XXYLT1: variants seen among roughly 807,000 people sequenced by gnomAD.
XXYLT1 encodes the protein xyloside xylosyltransferase 1, also known as UDP-xylose:alpha-xyloside alpha-1,3-xylosyltransferase.
In XXYLT1, 20 loss-of-function variants were observed where a neutral mutation model predicts 28.9. The ratio of observed to expected loss-of-function variants is 0.69; its 90% CI spans 0.49 to 1.00. The LOEUF is 1.00. Ranked by LOEUF, XXYLT1 falls within the 50% of genes least tolerant of loss-of-function variation. The probability of loss-of-function intolerance (pLI) is 0.00; values close to 1 mark genes in which losing one functional copy is unlikely to be tolerated. For missense variants in XXYLT1, 542 were observed against 560.1 expected, an observed-to-expected ratio of 0.97 and a Z score of 0.33; for synonymous variants, 257 against 253.8, an observed-to-expected ratio of 1.01 and a Z score of -0.12.
chr3:195,108,204 C>A (rs1717258649), intron 3 of XXYLT1, among the ~76,000 whole-genome samples: 1 of 152,234 alleles, frequency 6.6e-6, no homozygotes, highest in South Asian at 2.1e-4. Context: ...TCCATCCATT[C>A]TTGTTTTTCT....
intron 2 of XXYLT1, among the ~76,000 whole-genome samples, chr3:195,197,077 G>C (rs890140225): frequency 6.6e-5 from 10 of 152,160 alleles, no homozygotes; most frequent in African/African-American, 2.4e-4. Context: ...AGTTTTCATG[G>C]CTCAATTAGC....
At chr3:195,109,478 ATGTG>A (rs376157411) in intron 3 of XXYLT1, among the ~76,000 whole-genome samples, 2 of 137,652 alleles carry the variant, frequency 1.5e-5, no homozygotes, top group African/African-American at 5.5e-5. Context: ...ATATGTGTGC[ATGTG>A]TGTGTGAGGT....
At chr3:195,251,680 C>A (rs1317996991) in intron 1 of XXYLT1, among the ~76,000 whole-genome samples, 2 of 152,204 alleles carry the variant, frequency 1.3e-5, no homozygotes, top group African/African-American at 4.8e-5. Flanking sequence ...AAGTTTCCCT[C>A]CTATCCTATT....
chr3:195,243,398 A>G (rs771193731), intron 1 of XXYLT1, among the ~76,000 whole-genome samples: 11 of 151,910 alleles, frequency 7.2e-5, no homozygotes, highest in African/African-American at 2.4e-4. Flanking sequence ...GTTTCTTATT[A>G]TAAGAAAATT....
chr3:195,147,994 T>C (rs1719958042), intron 3 of XXYLT1: 1 of 152,248 alleles, frequency 6.6e-6, no homozygotes, highest in Admixed American at 6.5e-5. Context: ...GTGCTCCACC[T>C]GGACCTCATC....
At position 195,240,091 on chromosome 3, in the gene XXYLT1, T is replaced by C. The variant is rs375535910; in HGVS notation, c.505-13235A>G. On this transcript the variant is annotated intron_variant, in intron 1 of 3. Transcript: ENST00000310380. This position sits in a 1 kb window ranked among gnomAD's most constrained non-coding sequence, Gnocchi z 4.7. Reference sequence around the variant, plus strand: ...ATCTAAATTCAGTAATGACTGAGCTTTCTTTTCAGGCAAAGGTGTCCTCAA... The same window carrying C: ...ATCTAAATTCAGTAATGACTGAGCTCTCTTTTCAGGCAAAGGTGTCCTCAA... Among the ~76,000 whole-genome samples the C allele has an allele frequency of 5.9e-5, 9 of 152,238 alleles. No individual in the cohort carries two copies. The East Asian group carries it at 9.6e-4, about 16-fold the overall frequency.
intron 3 of XXYLT1, among the ~76,000 whole-genome samples, chr3:195,079,476 A>G (rs903204794): frequency 6.6e-5 from 10 of 151,392 alleles, no homozygotes; most frequent in African/African-American, 2.2e-4. Flanking sequence ...AATGGCTAAT[A>G]TTTAGTGAGG....
intron 3 of XXYLT1, among the ~76,000 whole-genome samples, chr3:195,154,669 C>T (rs1270827967): frequency 6.6e-6 from 1 of 152,168 alleles, no homozygotes; most frequent in African/African-American, 2.4e-5. Context: ...CAGAACCACG[C>T]CAATGTACAA....
rs200901527 is a variant in XXYLT1, at chr3:195,215,439, G to A, written c.652+11270C>T. On this transcript the variant is annotated intron_variant, in intron 2 of 3. Transcript: ENST00000310380. Reference sequence around the variant, plus strand: ...ATTCAGGAAACCCATCTCACGTGCAGAGACACACATAGGCTCAAAATAAAA... The same window carrying A: ...ATTCAGGAAACCCATCTCACGTGCAAAGACACACATAGGCTCAAAATAAAA... Among the ~76,000 whole-genome samples, 993 of 120,696 alleles carry A rather than the reference G, an allele frequency of 8.2e-3. 12 individuals are homozygous for A. Among genetic ancestry groups the A allele is most frequent in the African/African-American group, 0.024 (768 of 31,514 alleles). 79.2% of individuals were successfully genotyped at this position (120,696 alleles called of 152,430 possible).
chr3:195,116,897 C>A (rs1424326099), intron 3 of XXYLT1, among the ~76,000 whole-genome samples: 2 of 152,082 alleles, frequency 1.3e-5, no homozygotes, highest in Non-Finnish European at 2.9e-5. Context: ...TAATCCTATA[C>A]AATAATGCTC....
chr3:195,153,784 C>G (rs1172396455), intron 3 of XXYLT1: 1 of 152,340 alleles, frequency 6.6e-6, no homozygotes, highest in East Asian at 1.9e-4. Context: ...TGAGAAGATT[C>G]CAAAGCAGGC....
At chr3:195,224,717 TC>T (rs1307195021) in intron 2 of XXYLT1, among the ~76,000 whole-genome samples, 2 of 151,892 alleles carry the variant, frequency 1.3e-5, no homozygotes, top group Non-Finnish European at 2.9e-5. Context: ...CAGGCGTGCC[TC>T]CCCCTGGCTC....
rs530946805 is a variant in XXYLT1, at chr3:195,175,820, C to T, written c.653-19239G>A. ...CGTCGTTACAGGATGGAAGTGGCCT[C>T]GATTCCCGAGTCACTGCTTAAAAGG... On this transcript the variant is annotated intron_variant, in intron 2 of 3. Transcript: ENST00000310380. 85 of 1,418,630 alleles carry T rather than the reference C, an allele frequency of 6.0e-5. No individual in the cohort carries two copies. In the African/African-American group the frequency reaches 1.0e-3, roughly 17 times the overall value. The allele number at this position is 1,418,630 out of a possible 1,614,324, so 87.9% of individuals were successfully genotyped here.
Position 195,195,399 on chromosome 3 carries a change from C to T in XXYLT1, c.652+31310G>A, listed in dbSNP as rs545126681. 1.3e-5 allele frequency among the ~76,000 whole-genome samples: 2 copies of T among 152,312 alleles called. No homozygotes were observed. The highest frequency in any genetic ancestry group is 4.1e-4 in the South Asian group (2 of 4,828). ...GGCCTGGCTTCCCCAGGGGTGACCA[C>T]CACGGATTCCTTCCTCAGAGTCGCT... On this transcript the variant is annotated intron_variant, in intron 2 of 3. Coordinates refer to ENST00000310380, the MANE Select transcript of XXYLT1 (RefSeq NM_152531.5). The surrounding 1 kb of genome is among the most constrained non-coding windows in gnomAD (Gnocchi z 4.4).
chr3:195,234,428 C>A (rs1033880133), intron 1 of XXYLT1, among the ~76,000 whole-genome samples: 6 of 148,758 alleles, frequency 4.0e-5, no homozygotes, highest in Non-Finnish European at 8.9e-5. Flanking sequence ...AAGCGATTGT[C>A]CTGCCTCAGC....
chr3:195,244,255 G>A (rs563898502), intron 1 of XXYLT1, among the ~76,000 whole-genome samples: 76 of 152,344 alleles, frequency 5.0e-4, no homozygotes, highest in African/African-American at 1.8e-3. Flanking sequence ...AGCAGGTGAT[G>A]AAACGTCACA....
intron 2 of XXYLT1, among the ~76,000 whole-genome samples, chr3:195,219,043 T>G (rs912964771): frequency 2.0e-5 from 3 of 152,020 alleles, no homozygotes; most frequent in Admixed American, 6.6e-5. Flanking sequence ...GAAATCATCA[T>G]TCTCAGTAAA....
chr3:195,119,287 CAAAAAAA>C (rs11328657), intron 3 of XXYLT1, among the ~76,000 whole-genome samples: 2 of 109,560 alleles, frequency 1.8e-5, no homozygotes, highest in Non-Finnish European at 3.7e-5. Context: ...CCATCTCAAA[CAAAAAAA>C]AAAAAAAAAA....
At chr3:195,217,610 T>C (rs1325051721) in intron 2 of XXYLT1, among the ~76,000 whole-genome samples, 39 of 129,552 alleles carry the variant, frequency 3.0e-4, no homozygotes, top group African/African-American at 1.1e-3. Flanking sequence ...TTACAAGGGA[T>C]GTGAAGGACC....
Sources: gnomAD v4.1 joint callset for allele counts (sites outside exome capture counted in the v4.1 genomes callset) on GRCh38, gnomAD v4.1.1 for gene constraint, Gnocchi (gnomAD v3.1) non-coding constraint, MANE v1.5 for transcripts, NCBI Gene and HGNC (gene_info 2026-07-23, HGNC 2026-07-21) for gene names.